The following KCNG2 variants were observed in gnomAD, a reference collection of about 807,000 sequenced individuals.
KCNG2 encodes potassium voltage-gated channel modifier subfamily G member 2.
KCNG2 carries 7 observed loss-of-function variants against 12.3 expected under a neutral mutation model. That is an observed-to-expected ratio of 0.57 (90% CI 0.32 to 1.07). The LOEUF (loss-of-function observed/expected upper bound fraction) is 1.07. KCNG2 is among the 50% of genes least tolerant of loss of function. KCNG2 has a pLI of 0.04. For missense variants in KCNG2, 703 were observed against 726.0 expected, an observed-to-expected ratio of 0.97 and a Z score of 0.36; for synonymous variants, 414 against 351.4, an observed-to-expected ratio of 1.18 and a Z score of -1.99.
chr18:79,896,090 C>G (rs1980965045), intron 3 of KCNG2, among the ~76,000 whole-genome samples: 1 of 152,182 alleles, frequency 6.6e-6, no homozygotes, highest in Non-Finnish European at 1.5e-5. Context: ...CTCAGCTTCC[C>G]AAGTAGCTGG....
intron 1 of KCNG2, among the ~76,000 whole-genome samples, chr18:79,847,470 A>C (rs894878861): frequency 3.9e-5 from 6 of 152,220 alleles, no homozygotes; most frequent in African/African-American, 1.4e-4. Context: ...AACCACGCTA[A>C]GCGATCTTTA....
chr18:79,843,600 TGA>T (rs1978531168), intron 1 of KCNG2, among the ~76,000 whole-genome samples: 1 of 152,158 alleles, frequency 6.6e-6, no homozygotes, highest in Admixed American at 6.5e-5. Context: ...ATAAAATGTG[TGA>T]GAAGAAAAAG....
intron 1 of KCNG2, among the ~76,000 whole-genome samples, chr18:79,850,448 T>C (rs186250301): frequency 2.0e-5 from 3 of 152,362 alleles, no homozygotes; most frequent in African/African-American, 7.2e-5. Context: ...ATTCTAGTAG[T>C]CCATGTTTTA....
At chr18:79,862,972 G>T (rs183554877) in intron 2 of KCNG2, among the ~76,000 whole-genome samples, 3 of 152,348 alleles carry the variant, frequency 2.0e-5, no homozygotes, top group Non-Finnish European at 4.4e-5. Flanking sequence ...TTATTATTGT[G>T]ACGAAGACTC....
chr18:79,802,740 T>C (rs1324774925), intron 1 of KCNG2, among the ~76,000 whole-genome samples: 1 of 152,092 alleles, frequency 6.6e-6, no homozygotes, highest in Non-Finnish European at 1.5e-5. Context: ...TTTTTTTTTT[T>C]TCCTGTTCTT....
At chr18:79,850,444 G>A (rs1978778586) in intron 1 of KCNG2, among the ~76,000 whole-genome samples, 1 of 152,148 alleles carries the variant, frequency 6.6e-6, no homozygotes, top group Non-Finnish European at 1.5e-5. Flanking sequence ...GTCAATTCTA[G>A]TAGTCCATGT....
chr18:79,860,249 C>T (rs987893694), intron 2 of KCNG2, among the ~76,000 whole-genome samples: 2 of 152,162 alleles, frequency 1.3e-5, no homozygotes, highest in African/African-American at 2.4e-5. Context: ...TTTTGGCTAC[C>T]TTGCATTTCC....
chr18:79,889,582 C>T (rs1039796055), intron 3 of KCNG2, among the ~76,000 whole-genome samples: 1 of 152,158 alleles, frequency 6.6e-6, no homozygotes, highest in Non-Finnish European at 1.5e-5. Context: ...GGATTGTTGT[C>T]GCATATTCTA....
At chr18:79,883,489 G>A (rs112854238) in intron 3 of KCNG2, among the ~76,000 whole-genome samples, 14 of 152,316 alleles carry the variant, frequency 9.2e-5, no homozygotes, top group African/African-American at 3.1e-4. Flanking sequence ...AGTCTTTGAA[G>A]GCTTTTAAAA....
At chr18:79,885,267 C>T (rs768181109) in intron 3 of KCNG2, among the ~76,000 whole-genome samples, 1 of 152,206 alleles carries the variant, frequency 6.6e-6, no homozygotes, top group Non-Finnish European at 1.5e-5. Flanking sequence ...AGGGCGGTGG[C>T]TGTGCGGGCC....
Position 79,899,267 on chromosome 18 carries a change from GC to G in KCNG2, c.853del (p.Leu285TrpfsTer14). ...GGACCAAGCTCCTGGAGCGCGCGGG[GC>G]TGGTGCTGCGGCTGCTGCGTGCGCT... The part of the protein sequence containing the change: ...GGTKLLERAG[L>X]VLRLLRALRV... On this transcript the variant is annotated frameshift_variant, in exon 4 of 4. Coordinates refer to ENST00000316249, the MANE Select transcript of KCNG2 (RefSeq NM_012283.2). LOFTEE classifies it low-confidence loss of function (END_TRUNC). 6.3e-7 allele frequency: 1 copy of G among 1,584,558 alleles called. No homozygotes were observed. The highest frequency in any genetic ancestry group is 8.5e-7 in the Non-Finnish European group (1 of 1,172,658).
intron 3 of KCNG2, among the ~76,000 whole-genome samples, chr18:79,888,479 A>G (rs1980625838): frequency 7.7e-6 from 1 of 129,764 alleles, no homozygotes; most frequent in Non-Finnish European, 1.8e-5. Context: ...TGGGGCCGGG[A>G]CGGCGGCGTC....
intron 3 of KCNG2, among the ~76,000 whole-genome samples, chr18:79,871,164 C>G (rs1033043018): frequency 6.6e-6 from 1 of 152,198 alleles, no homozygotes; most frequent in Non-Finnish European, 1.5e-5. Flanking sequence ...CACAGGCCTC[C>G]GGGGTCCGCC....
intron 3 of KCNG2, among the ~76,000 whole-genome samples, chr18:79,875,092 C>A (rs1239253061): frequency 2.6e-5 from 4 of 152,214 alleles, no homozygotes; most frequent in South Asian, 4.1e-4. Flanking sequence ...AAACTAGAAT[C>A]TCTTCGCCAG....
intron 1 of KCNG2, among the ~76,000 whole-genome samples, chr18:79,843,731 A>G (rs939067700): frequency 6.6e-6 from 1 of 152,182 alleles, no homozygotes; most frequent in Non-Finnish European, 1.5e-5. Flanking sequence ...TAATAGATAC[A>G]CAAAAGAGAA....
intron 1 of KCNG2, among the ~76,000 whole-genome samples, chr18:79,846,979 C>T (rs996627608): frequency 1.3e-5 from 2 of 152,110 alleles, no homozygotes; most frequent in African/African-American, 2.4e-5. Flanking sequence ...ACAGGGCAGC[C>T]GGTGGTAAGA....
At chr18:79,825,909 A>G (rs1434346575) in intron 1 of KCNG2, among the ~76,000 whole-genome samples, 1 of 152,222 alleles carries the variant, frequency 6.6e-6, no homozygotes, top group African/African-American at 2.4e-5. Flanking sequence ...GCGTCTGCCC[A>G]TGGACGGCAG....
At chr18:79,882,122 G>A (rs1004833522) in intron 3 of KCNG2, among the ~76,000 whole-genome samples, 2 of 152,210 alleles carry the variant, frequency 1.3e-5, no homozygotes, top group African/African-American at 4.8e-5. Flanking sequence ...CATAGAGGTG[G>A]CCTTGCCAAT....
At chr18:79,844,370 G>A (rs2123040483) in intron 1 of KCNG2, among the ~76,000 whole-genome samples, 1 of 152,270 alleles carries the variant, frequency 6.6e-6, no homozygotes, top group East Asian at 1.9e-4. Context: ...CTCACAAGCA[G>A]AGAGAATGGT....
Sources: gnomAD v4.1 joint callset for allele counts (sites outside exome capture counted in the v4.1 genomes callset) on GRCh38, gnomAD v4.1.1 for gene constraint, MANE v1.5 for transcripts, NCBI Gene and HGNC (gene_info 2026-07-23, HGNC 2026-07-21) for gene names.